YOD1: variants seen among roughly 807,000 people sequenced by gnomAD.
YOD1 encodes YOD1 deubiquitinase, also known as ubiquitin thioesterase OTU1.
YOD1 carries 17 observed loss-of-function variants against 23.7 expected under a neutral mutation model. That is an observed-to-expected ratio of 0.72 (90% CI 0.49 to 1.07). The LOEUF (loss-of-function observed/expected upper bound fraction) is 1.07. Ranked by LOEUF, YOD1 falls within the 50% of genes least tolerant of loss-of-function variation. The pLI is 0.00. For synonymous variants in YOD1, 191 were observed against 169.6 expected, an observed-to-expected ratio of 1.13 and a Z score of -0.98; for missense variants, 413 against 447.2, an observed-to-expected ratio of 0.92 and a Z score of 0.69.
chr1:207,052,238 T>G, upstream of YOD1: 1 of 1,611,842 alleles, frequency 6.2e-7, no homozygotes. Context: ...GTTTCCATCT[T>G]TTCACATCTT....
intron 1 of YOD1, among the ~76,000 whole-genome samples, chr1:207,050,158 G>A (rs1026976255): frequency 1.3e-5 from 2 of 152,214 alleles, no homozygotes; most frequent in Non-Finnish European, 2.9e-5. Context: ...AAACACTGAT[G>A]TTCAAGTTTT....
rs1345698003 is a variant in YOD1, at chr1:207,047,988, C to A, written c.*1032G>T. On this transcript the variant is annotated 3_prime_UTR_variant, in exon 2 of 2. Transcript: ENST00000315927. ...GTGCAAAAAATCTTACAAAAACCAACCCAAAGCAGAGCATTATTACTTGAA... is the reference window on the plus strand; with the variant it reads ...GTGCAAAAAATCTTACAAAAACCAAACCAAAGCAGAGCATTATTACTTGAA... The A allele has an allele frequency of 6.6e-6, 1 of 152,118 alleles. No individual in the cohort carries two copies. Among genetic ancestry groups the A allele is most frequent in the African/African-American group, 2.4e-5 (1 of 41,380 alleles). The allele number at this position is 152,118 out of a possible 1,614,324, so 9.4% of individuals were successfully genotyped here. A position where few individuals can be genotyped will look rare whatever the true frequency, so the allele number is the denominator to read the frequency against.
At chr1:207,050,508 G>A (rs1348955965) in intron 1 of YOD1, among the ~76,000 whole-genome samples, 180 bp downstream of exon 1, 1 of 152,204 alleles carries the variant, frequency 6.6e-6, no homozygotes, top group Non-Finnish European at 1.5e-5. Flanking sequence ...AAGACAAGGA[G>A]TTGCTAGACA....
rs753164609 is a variant in YOD1 at position 207,050,685 on chromosome 1, T to C, written c.343+3A>G. 21 of 1,613,088 alleles carry C rather than the reference T, an allele frequency of 1.3e-5. No individual in the cohort carries two copies. Among genetic ancestry groups the C allele is most frequent in the South Asian group, 1.2e-4 (11 of 91,082 alleles). On this transcript the variant is annotated splice_donor_region_variant and intron_variant, in intron 1 of 1. Coordinates refer to ENST00000315927, the MANE Select transcript of YOD1 (RefSeq NM_018566.4). Reference sequence around the variant, plus strand: ...TTCCCTGGCCCCAGCCCTGATTCCTTACCAGATTGGATGGGCAAGTCTTCC... The same window carrying C: ...TTCCCTGGCCCCAGCCCTGATTCCTCACCAGATTGGATGGGCAAGTCTTCC...
At chr1:207,050,582 C>A (rs186192051) in intron 1 of YOD1, 106 bp downstream of exon 1, 28 of 1,488,120 alleles carry the variant, frequency 1.9e-5, no homozygotes, top group Non-Finnish European at 2.4e-5. Context: ...GCCTCAAAGC[C>A]CCCCCGCCGA....
In YOD1 at chr1:207,044,190, G is replaced by C. The variant is rs1343501628; in HGVS notation, c.*4830C>G. Reference sequence around the variant, plus strand: ...ACTTGTGGTTTTCTTTTTGCGTTAGGAACCTCTGTCTCTACTGCATTAATA... The same window carrying C: ...ACTTGTGGTTTTCTTTTTGCGTTAGCAACCTCTGTCTCTACTGCATTAATA... On this transcript the variant is annotated 3_prime_UTR_variant, in exon 2 of 2. Coordinates refer to ENST00000315927, the MANE Select transcript of YOD1 (RefSeq NM_018566.4). The C allele has an allele frequency of 6.6e-6, 1 of 152,362 alleles. No individual in the cohort carries two copies. The highest frequency in any genetic ancestry group is 1.9e-4 in the East Asian group (1 of 5,200). The allele number at this position is 152,362 out of a possible 1,614,324, so 9.4% of individuals were successfully genotyped here.
upstream of YOD1, chr1:207,052,974 A>G (rs367760934): frequency 2.0e-4 from 30 of 152,356 alleles, 1 homozygote; most frequent in African/African-American, 6.5e-4. Flanking sequence ...CGCCTACCGA[A>G]TAGTCTACTC....
At chr1:207,052,354 A>G, upstream of YOD1, 1 of 843,620 alleles carries the variant, frequency 1.2e-6, no homozygotes, top group Non-Finnish European at 1.9e-6. Flanking sequence ...GAGGGAAGGT[A>G]GGAGTGGTTA....
rs1271110116 is a variant in YOD1, at chr1:207,049,238, C to T, written c.829G>A (p.Asp277Asn). ...HYDPLQRNFP[D>N]PDTPPLTIFS... ...ATGGTCAGAGGAGGTGTATCTGGAT[C>T]AGGGAAGTTACGCTGAAGTGGATCA... The change falls in exon 2 of 2, where the codon GAT (aspartate) becomes AAT (asparagine). Residue 277 changes from aspartate (D) to asparagine (N), a missense_variant. Physicochemically the swap from Asp to Asn is conservative, Grantham distance 23. Coordinates refer to ENST00000315927, the MANE Select transcript of YOD1 (RefSeq NM_018566.4). The T allele has an allele frequency of 1.2e-6, 2 of 1,614,084 alleles. No individual in the cohort carries two copies. The highest frequency in any genetic ancestry group is 1.7e-5 in the Admixed American group (1 of 60,016).
Position 207,049,126 on chromosome 1 carries a change from T to G in YOD1, c.941A>C (p.Asn314Thr). The change falls in exon 2 of 2, where the codon AAC becomes ACC. Residue 314 changes from asparagine (N) to threonine (T), a missense_variant. Physicochemically the swap from Asn to Thr is moderately conservative, Grantham distance 65. Transcript: ENST00000315927. ...ARRRRQFTDV[N>T]RFTLRCMVCQ... Reference sequence around the variant, plus strand: ...TACCATGCATCTCAGGGTGAAGCGGTTGACATCAGTAAACTGTCTCCTTCT... The same window carrying G: ...TACCATGCATCTCAGGGTGAAGCGGGTGACATCAGTAAACTGTCTCCTTCT... 6.2e-7 allele frequency: 1 copy of G among 1,614,016 alleles called. No individual in the cohort carries two copies. Among genetic ancestry groups the G allele is most frequent in the Non-Finnish European group, 8.5e-7 (1 of 1,180,004 alleles).
chr1:207,050,594 T>G (rs1682716296), intron 1 of YOD1, 94 bp downstream of exon 1: 2 of 1,552,354 alleles, frequency 1.3e-6, no homozygotes, highest in African/African-American at 1.4e-5. Flanking sequence ...CCCCGCCGAC[T>G]CACAGCCACC....
At position 207,047,236 on chromosome 1, in the gene YOD1, TTTAAG is replaced by T. The variant is rs902018947; in HGVS notation, c.*1779_*1783del. The T allele has an allele frequency of 3.3e-5, 5 of 152,514 alleles. No homozygotes were observed. The highest frequency in any genetic ancestry group is 1.3e-4 in the Admixed American group (2 of 15,274). 9.4% of individuals were successfully genotyped at this position (152,514 alleles called of 1,614,324 possible). Reference sequence around the variant, plus strand: ...TCAGTAAAATAGAAAACTAAACACTTTTAAGTTATGCTGACCATAACAGCTTATAT... The same window carrying T: ...TCAGTAAAATAGAAAACTAAACACTTTTATGCTGACCATAACAGCTTATAT... On this transcript the variant is annotated 3_prime_UTR_variant, in exon 2 of 2. Transcript: ENST00000315927.
chr1:207,052,098 C>G (rs1256435665), upstream of YOD1: 2 of 1,129,198 alleles, frequency 1.8e-6, no homozygotes. Flanking sequence ...GACAGCAAGT[C>G]CCACTTGCCA....
In YOD1 at chr1:207,049,219, AGAG is replaced by A; in HGVS notation, c.845_847del (p.Pro282del). On this transcript the variant is annotated inframe_deletion, in exon 2 of 2. Coordinates refer to ENST00000315927, the MANE Select transcript of YOD1 (RefSeq NM_018566.4). ...ATCATCATTAGAGGAGAAAATGGTC[AGAG>A]GAGGTGTATCTGGATCAGGGAAGTT... is the stretch of plus-strand genomic sequence containing the variant. 1.2e-6 allele frequency: 2 copies of A among 1,614,180 alleles called. No individual in the cohort carries two copies. The highest frequency in any genetic ancestry group is 1.7e-6 in the Non-Finnish European group (2 of 1,180,014).
rs1225411841 is a variant in YOD1 at position 207,045,570 on chromosome 1, T to C, written c.*3450A>G. The C allele has an allele frequency of 6.6e-6, 1 of 151,908 alleles. No individual in the cohort carries two copies. The highest frequency in any genetic ancestry group is 6.6e-5 in the Admixed American group (1 of 15,264). 9.4% of individuals were successfully genotyped at this position (151,908 alleles called of 1,614,324 possible). A position where few individuals can be genotyped will look rare whatever the true frequency, so the allele number is the denominator to read the frequency against. ...ACACATGAAAGAACATAATTCTTAG[T>C]ATGTTTAGGAAGGCCACCTGATTTG... On this transcript the variant is annotated 3_prime_UTR_variant, in exon 2 of 2. Coordinates refer to ENST00000315927, the MANE Select transcript of YOD1 (RefSeq NM_018566.4).
intron 1 of YOD1, among the ~76,000 whole-genome samples, chr1:207,050,269 T>C (rs925100869): frequency 5.9e-4 from 89 of 151,980 alleles, no homozygotes; most frequent in African/African-American, 2.1e-3. Flanking sequence ...TCAAACGAAG[T>C]ATCTACGAAG....
intron 1 of YOD1, among the ~76,000 whole-genome samples, chr1:207,050,461 G>A (rs963788986): frequency 6.6e-6 from 1 of 152,236 alleles, no homozygotes; most frequent in Non-Finnish European, 1.5e-5. Flanking sequence ...GGGGAAGGGG[G>A]TCTTCAAGGC....
chr1:207,049,927 T>G (rs2102327402), intron 1 of YOD1, among the ~76,000 whole-genome samples: 1 of 152,310 alleles, frequency 6.6e-6, no homozygotes, highest in South Asian at 2.1e-4. Context: ...CAAAAAACAC[T>G]TGAGGTTGCA....
chr1:207,046,540 A>G lies in YOD1; in HGVS notation c.*2480T>C, dbSNP rs573272992. 5 of 152,226 alleles carry G rather than the reference A, an allele frequency of 3.3e-5. No individual in the cohort carries two copies. In the South Asian group the frequency reaches 1.0e-3, roughly 32 times the overall value. The allele number at this position is 152,226 out of a possible 1,614,324, so 9.4% of individuals were successfully genotyped here. On this transcript the variant is annotated 3_prime_UTR_variant, in exon 2 of 2. Transcript: ENST00000315927. ...TTGAATTTTCCAGGATCAGAACACT[A>G]AAGTACTAGTGCTAAATTTCAGCAG...
Sources: gnomAD v4.1 joint callset for allele counts (sites outside exome capture counted in the v4.1 genomes callset) on GRCh38, gnomAD v4.1.1 for gene constraint, MANE v1.5 for transcripts, NCBI Gene and HGNC (gene_info 2026-07-23, HGNC 2026-07-21) for gene names.